The following SLC14A2 variants were observed in gnomAD, a reference collection of about 807,000 sequenced individuals.
The protein encoded by SLC14A2 is urea transporter 2.
In SLC14A2, 91 loss-of-function variants were observed where a neutral mutation model predicts 104.6. The ratio of observed to expected loss-of-function variants is 0.87; its 90% CI spans 0.73 to 1.04. The LOEUF is 1.04. Among genes scored for constraint, SLC14A2 ranks in the 50% least tolerant of loss-of-function variants. The pLI, the probability that SLC14A2 is intolerant of heterozygous loss-of-function variation, is 0.00. For missense variants in SLC14A2, 1,189 were observed against 1,156.0 expected (o/e 1.03, Z -0.41); for synonymous variants, 476 against 466.4 (o/e 1.02, Z -0.27).
chr18:45,474,440 T>C (rs970670051), intron 1 of SLC14A2, among the ~76,000 whole-genome samples: 1 of 152,198 alleles, frequency 6.6e-6, no homozygotes, highest in Admixed American at 6.5e-5. Context: ...TGGAATAGTT[T>C]CAGAAGGAGT....
chr18:45,522,078 A>T (rs1368602381), intron 2 of SLC14A2, among the ~76,000 whole-genome samples: 1 of 152,208 alleles, frequency 6.6e-6, no homozygotes, highest in East Asian at 1.9e-4. Context: ...AGTCTAAGGC[A>T]GTTATGTGCC....
At chr18:45,234,334 G>A (rs1470997775) in intron 1 of SLC14A2, among the ~76,000 whole-genome samples, 1 of 152,154 alleles carries the variant, frequency 6.6e-6, no homozygotes, top group Non-Finnish European at 1.5e-5. Context: ...AATGCATATA[G>A]TCTTAGAGTG....
At chr18:45,344,005 A>C (rs1017814245) in intron 1 of SLC14A2, among the ~76,000 whole-genome samples, 28 of 152,198 alleles carry the variant, frequency 1.8e-4, no homozygotes, top group African/African-American at 6.0e-4. Context: ...AACATTTGTG[A>C]TGCAATTTGT....
chr18:45,445,758 G>A (rs2086758171), intron 1 of SLC14A2, among the ~76,000 whole-genome samples: 1 of 152,138 alleles, frequency 6.6e-6, no homozygotes, highest in African/African-American at 2.4e-5. Context: ...TTGCCTTTAT[G>A]GCATGATATC....
intron 1 of SLC14A2, among the ~76,000 whole-genome samples, chr18:45,331,609 T>A (rs2085291417): frequency 6.6e-6 from 1 of 150,858 alleles, no homozygotes; most frequent in African/African-American, 2.4e-5. Flanking sequence ...GAGAATGGCA[T>A]GAACCCAGGA....
At chr18:45,423,336 A>G (rs2086375464) in intron 1 of SLC14A2, among the ~76,000 whole-genome samples, 1 of 152,224 alleles carries the variant, frequency 6.6e-6, no homozygotes, top group South Asian at 2.1e-4. Context: ...TGAAGTACAG[A>G]GAAATCTCTG....
At chr18:45,402,068 C>G (rs938894389) in intron 1 of SLC14A2, among the ~76,000 whole-genome samples, 2 of 152,082 alleles carry the variant, frequency 1.3e-5, no homozygotes, top group African/African-American at 4.8e-5. Context: ...GAAGCCAAAT[C>G]CCCCTCTAGC....
intron 10 of SLC14A2, 40 bp from the exon 11 acceptor site, chr18:45,663,745 T>C (rs2144621994): frequency 6.3e-7 from 1 of 1,599,496 alleles, no homozygotes; most frequent in Non-Finnish European, 8.5e-7. Flanking sequence ...AGGTGCGGAC[T>C]AGGTGGGACA....
the SLC14A2 span, among the ~76,000 whole-genome samples, chr18:45,199,233 G>C: frequency 2.6e-5 from 4 of 152,174 alleles, no homozygotes; most frequent in African/African-American, 9.6e-5. Context: ...TCCTTCTGCT[G>C]TGTGTACACA....
At chr18:45,463,426 GA>G (rs1382206441) in intron 1 of SLC14A2, among the ~76,000 whole-genome samples, 17 of 152,348 alleles carry the variant, frequency 1.1e-4, no homozygotes, top group Admixed American at 7.8e-4. Flanking sequence ...GGGAGATGAT[GA>G]GGGGGGAGCC....
intron 1 of SLC14A2, among the ~76,000 whole-genome samples, chr18:45,404,206 T>C (rs1484837007): frequency 6.6e-6 from 1 of 152,222 alleles, no homozygotes; most frequent in Non-Finnish European, 1.5e-5. Flanking sequence ...CTCCCTCCTT[T>C]AGTTATGGGA....
At chr18:45,525,831 CAGG>C (rs1598961052) in intron 2 of SLC14A2, among the ~76,000 whole-genome samples, 1 of 152,160 alleles carries the variant, frequency 6.6e-6, no homozygotes, top group Non-Finnish European at 1.5e-5. Context: ...TTCAAATTTG[CAGG>C]AGATGTGCTG....
At chr18:45,224,388 C>T (rs11875882) in intron 1 of SLC14A2, among the ~76,000 whole-genome samples, 6 of 152,220 alleles carry the variant, frequency 3.9e-5, no homozygotes, top group African/African-American at 9.6e-5. Flanking sequence ...AAGCTTATCA[C>T]GACCAATCAG....
At chr18:45,506,130 C>G (rs1176027671) in intron 2 of SLC14A2, among the ~76,000 whole-genome samples, 1 of 152,184 alleles carries the variant, frequency 6.6e-6, no homozygotes, top group Non-Finnish European at 1.5e-5. Flanking sequence ...TTGAAGGTGT[C>G]AGGTCCAGTC....
chr18:45,672,634 C>A (rs1249518424), intron 16 of SLC14A2, among the ~76,000 whole-genome samples: 1 of 152,106 alleles, frequency 6.6e-6, no homozygotes, highest in East Asian at 1.9e-4. Context: ...TTTTCAGTTT[C>A]TCTTCCCTGA....
chr18:45,239,184 G>A (rs1159575602), intron 1 of SLC14A2, among the ~76,000 whole-genome samples: 1 of 152,120 alleles, frequency 6.6e-6, no homozygotes, highest in Non-Finnish European at 1.5e-5. Flanking sequence ...CTCACCTAAG[G>A]AGGAAACTAC....
At chr18:45,464,937 G>A (rs535102200) in intron 1 of SLC14A2, among the ~76,000 whole-genome samples, 19 of 152,304 alleles carry the variant, frequency 1.2e-4, no homozygotes, top group Admixed American at 6.5e-4. Context: ...CCTTCTCACC[G>A]TGACAGCATC....
intron 2 of SLC14A2, among the ~76,000 whole-genome samples, chr18:45,592,995 A>G (rs751827787): frequency 1.3e-5 from 2 of 152,190 alleles, no homozygotes; most frequent in Non-Finnish European, 2.9e-5. Context: ...CTAAAGATCC[A>G]AAGTTCTAGA....
chr18:45,471,473 T>G (rs1452426387), intron 1 of SLC14A2, among the ~76,000 whole-genome samples: 1 of 152,196 alleles, frequency 6.6e-6, no homozygotes, highest in African/African-American at 2.4e-5. Flanking sequence ...CGTTTTGAAA[T>G]TATACTTCTC....
Sources: gnomAD v4.1 joint callset for allele counts (sites outside exome capture counted in the v4.1 genomes callset) on GRCh38, gnomAD v4.1.1 for gene constraint, MANE v1.5 for transcripts, NCBI Gene and HGNC (gene_info 2026-07-23, HGNC 2026-07-21) for gene names.